The following UCHL5 variants were observed in gnomAD, a reference collection of about 807,000 sequenced individuals.
UCHL5 encodes the protein ubiquitin C-terminal hydrolase L5, also known as ubiquitin carboxyl-terminal hydrolase isozyme L5.
UCHL5 carries 34 observed loss-of-function variants against 53.8 expected under a neutral mutation model. The ratio of observed to expected loss-of-function variants is 0.63; its 90% CI spans 0.48 to 0.84. UCHL5 has a LOEUF of 0.84. Ranked by LOEUF, UCHL5 falls within the 40% of genes least tolerant of loss-of-function variation. UCHL5 has a pLI of 0.00. For synonymous variants in UCHL5, 111 were observed against 126.3 expected, an observed-to-expected ratio of 0.88 and a Z score of 0.81; for missense variants, 290 against 385.6, an observed-to-expected ratio of 0.75 and a Z score of 2.08.
At chr1:193,029,774 A>G (rs767029255) in intron 3 of UCHL5, 117 bp from the exon 4 acceptor site, 18 of 811,232 alleles carry the variant, frequency 2.2e-5, no homozygotes, top group Non-Finnish European at 3.3e-5. Flanking sequence ...ATGAAGTCTC[A>G]GCATAAACAG....
chr1:193,023,768 T>C (rs1658048970), intron 8 of UCHL5, 76 bp downstream of exon 8: 2 of 1,100,994 alleles, frequency 1.8e-6, no homozygotes, highest in African/African-American at 1.6e-5. Context: ...CTTGATTATA[T>C]ATATATTTAA....
chr1:193,036,903 T>G (rs1663710189), intron 3 of UCHL5, among the ~76,000 whole-genome samples: 1 of 151,690 alleles, frequency 6.6e-6, no homozygotes, highest in African/African-American at 2.4e-5. Context: ...TACTAAATGA[T>G]GAATAGGCCA....
Position 193,043,159 on chromosome 1 carries a change from A to AAAAAAAAC in UCHL5, c.246+6586_246+6587insGTTTTTTT, listed in dbSNP as rs1558122626. Among the ~76,000 whole-genome samples the AAAAAAAAC allele has an allele frequency of 2.1e-5, 3 of 142,864 alleles. 1 individual carries two copies. The highest frequency in any genetic ancestry group is 3.0e-5 in the Non-Finnish European group (2 of 66,300). 93.7% of individuals were successfully genotyped at this position (142,864 alleles called of 152,430 possible). A position where few individuals can be genotyped will look rare whatever the true frequency, so the allele number is the denominator to read the frequency against. ...TGACAGCTCTTGAATATTAAAAAAAAAAAAAAAAAAAAAAAAACCACCTAT... is the reference window on the plus strand; with the variant it reads ...TGACAGCTCTTGAATATTAAAAAAAAAAAAAAACAAAAAAAAAAAAAAAAACCACCTAT... On this transcript the variant is annotated intron_variant, in intron 3 of 10. Coordinates refer to ENST00000367454, the MANE Select transcript of UCHL5 (RefSeq NM_001199261.3).
At chr1:193,020,563 C>G in intron 10 of UCHL5, 3 of 1,200,326 alleles carry the variant, frequency 2.5e-6, no homozygotes, top group Non-Finnish European at 3.2e-6. Context: ...CTGCATTTTA[C>G]TTATTCAACA....
At chr1:193,018,892 A>G in intron 10 of UCHL5, 1 of 1,348,272 alleles carries the variant, frequency 7.4e-7, no homozygotes, top group South Asian at 1.4e-5. Context: ...AATTTTTCTT[A>G]GAAGTATTAC....
At chr1:193,031,379 T>C (rs920522333) in intron 3 of UCHL5, among the ~76,000 whole-genome samples, 5 of 152,190 alleles carry the variant, frequency 3.3e-5, no homozygotes, top group Non-Finnish European at 5.9e-5. Context: ...CAAACATTTC[T>C]ATAATCTAAG....
At chr1:193,055,835 T>C (rs951468320) in intron 1 of UCHL5, among the ~76,000 whole-genome samples, 1 of 152,236 alleles carries the variant, frequency 6.6e-6, no homozygotes, top group East Asian at 1.9e-4. Flanking sequence ...GATATAGGTC[T>C]GCAATTTTCT....
Position 193,033,376 on chromosome 1 carries a change from G to A in UCHL5, c.247-3719C>T, listed in dbSNP as rs144177224. The stretch of plus-strand genomic sequence containing the variant: ...GGAACATCACACACCGGGGCTTGTC[G>A]GGGGGTTGCGGGCAAGGGGAGGGAT... On this transcript the variant is annotated intron_variant, in intron 3 of 10. Coordinates refer to ENST00000367454, the MANE Select transcript of UCHL5 (RefSeq NM_001199261.3). Among the ~76,000 whole-genome samples the A allele has an allele frequency of 3.2e-3, 481 of 152,142 alleles. 1 individual carries two copies. Among genetic ancestry groups the A allele is most frequent in the Non-Finnish European group, 4.9e-3 (335 of 67,986 alleles).
intron 3 of UCHL5, among the ~76,000 whole-genome samples, chr1:193,038,768 G>A (rs142433775): frequency 0.022 from 3,296 of 152,216 alleles, 118 homozygotes; most frequent in African/African-American, 0.075. Flanking sequence ...GGCTGAGGCA[G>A]GAGGAATGCT....
chr1:193,053,777 G>A (rs1669789935), intron 1 of UCHL5, among the ~76,000 whole-genome samples: 1 of 152,076 alleles, frequency 6.6e-6, no homozygotes. Flanking sequence ...AAGTTGAGGA[G>A]GGGGGAAGGT....
At chr1:193,043,151 T>TTAAAAAAGAAAA (rs1553255148) in intron 3 of UCHL5, among the ~76,000 whole-genome samples, 1 of 36,376 alleles carries the variant, frequency 2.7e-5, no homozygotes, top group Non-Finnish European at 5.6e-5. Flanking sequence ...TCTTGAATAT[T>TTAAAAAAGAAAA]AAAAAAAAAA....
chr1:193,029,770 T>G, intron 3 of UCHL5, 113 bp from the exon 4 acceptor site: 1 of 860,570 alleles, frequency 1.2e-6, no homozygotes, highest in East Asian at 2.8e-5. Context: ...TTTTATGAAG[T>G]CTCAGCATAA....
chr1:193,018,774 G>A lies in UCHL5; in HGVS notation c.942+2323C>T, dbSNP rs1655789519. 3 of 1,540,482 alleles carry A rather than the reference G, an allele frequency of 1.9e-6. No individual in the cohort carries two copies. In the East Asian group the frequency reaches 7.3e-5, roughly 37 times the overall value. On this transcript the variant is annotated intron_variant, in intron 10 of 10. Coordinates refer to ENST00000367454, the MANE Select transcript of UCHL5 (RefSeq NM_001199261.3). ...TGGTGCAGCCATATCTTTCCTGTTT[G>A]TTTCCTTCTATTCCTTCTCACACCT...
chr1:193,013,370 T>C lies in UCHL5; in HGVS notation c.*2981A>G, dbSNP rs993913254. On this transcript the variant is annotated 3_prime_UTR_variant, in exon 11 of 11. Transcript: ENST00000367454. Reference sequence around the variant, plus strand: ...TCAAAACTCCCAATATAAATCTGCATTCCTCTTCAAATAGCTAGAGTGGTT... The same window carrying C: ...TCAAAACTCCCAATATAAATCTGCACTCCTCTTCAAATAGCTAGAGTGGTT... 6 of 152,220 alleles carry C rather than the reference T, an allele frequency of 3.9e-5. No individual in the cohort carries two copies. The highest frequency in any genetic ancestry group is 1.4e-4 in the African/African-American group (6 of 41,450). 9.4% of individuals were successfully genotyped at this position (152,220 alleles called of 1,614,324 possible).
chr1:193,019,783 T>C, intron 10 of UCHL5: 1 of 813,684 alleles, frequency 1.2e-6, no homozygotes, highest in African/African-American at 1.9e-5. Context: ...TACTTACTAA[T>C]TTGCACACAC....
chr1:193,012,381 T>C lies in UCHL5; in HGVS notation c.*3970A>G, dbSNP rs1224720147. 1 of 152,202 alleles carries C rather than the reference T, an allele frequency of 6.6e-6. No homozygotes were observed. Among genetic ancestry groups the C allele is most frequent in the Non-Finnish European group, 1.5e-5 (1 of 68,026 alleles). The allele number at this position is 152,202 out of a possible 1,614,324, so 9.4% of individuals were successfully genotyped here. A position where few individuals can be genotyped will look rare whatever the true frequency, so the allele number is the denominator to read the frequency against. On this transcript the variant is annotated 3_prime_UTR_variant, in exon 11 of 11. Coordinates refer to ENST00000367454, the MANE Select transcript of UCHL5 (RefSeq NM_001199261.3). ...AGAGCAGTAGTCCTAGGCATTTCCA[T>C]ATATCTTTTATTCAACCCATTTTCA... is the stretch of plus-strand genomic sequence containing the variant.
intron 1 of UCHL5, among the ~76,000 whole-genome samples, chr1:193,055,715 C>T (rs1670427076): frequency 6.6e-6 from 1 of 152,254 alleles, no homozygotes; most frequent in Middle Eastern, 3.4e-3. Flanking sequence ...TAAACCAATC[C>T]TAAATTACTG....
chr1:193,042,543 C>G (rs1229934089), intron 3 of UCHL5, among the ~76,000 whole-genome samples: 1 of 152,196 alleles, frequency 6.6e-6, no homozygotes, highest in African/African-American at 2.4e-5. Flanking sequence ...TAATCTATTA[C>G]ACATTAAAGG....
At chr1:193,052,318 A>G (rs777421362) in intron 1 of UCHL5, among the ~76,000 whole-genome samples, 19 of 152,132 alleles carry the variant, frequency 1.2e-4, no homozygotes, top group Non-Finnish European at 2.2e-4. Flanking sequence ...TATCCTTCTA[A>G]GACAGCAGTT....
Sources: allele counts gnomAD v4.1 joint callset (sites outside exome capture counted in the v4.1 genomes callset), GRCh38; gene constraint gnomAD v4.1.1; transcripts MANE v1.5; gene names NCBI Gene and HGNC (gene_info 2026-07-23, HGNC 2026-07-21).